NTM: variants seen among roughly 807,000 people sequenced by gnomAD.
NTM encodes the protein IgLON family member 2.
A neutral mutation model predicts 42.1 loss-of-function variants in NTM; 13 were observed. The observed-to-expected ratio is 0.31, with a 90% CI of 0.20 to 0.49. The LOEUF (loss-of-function observed/expected upper bound fraction) is 0.49, where lower values mean the gene tolerates loss of function less well. NTM is among the 20% of genes least tolerant of loss of function. The pLI is 0.99. For synonymous variants in NTM, 187 were observed against 179.2 expected, an observed-to-expected ratio of 1.04 and a Z score of -0.35; for missense variants, 373 against 452.8, an observed-to-expected ratio of 0.82 and a Z score of 1.60.
chr11:132,287,871 CAT>C (rs2094309045), intron 4 of NTM, among the ~76,000 whole-genome samples: 1 of 152,130 alleles, frequency 6.6e-6, no homozygotes, highest in Non-Finnish European at 1.5e-5. Context: ...GCAGGAAAAA[CAT>C]AGTGTGCTGA....
chr11:132,070,553 T>G (rs1260759072), intron 2 of NTM, among the ~76,000 whole-genome samples: 609 of 59,456 alleles, frequency 0.01, no homozygotes, highest in Middle Eastern at 0.017. Context: ...ACCGTCACAG[T>G]TTAGTTAACA....
At position 131,663,791 on chromosome 11, in the gene NTM, T is replaced by C. The variant is rs564900991; in HGVS notation, c.83-247773T>C. On this transcript the variant is annotated intron_variant, in intron 1 of 8. Transcript: ENST00000683400. ...AAGTGTCAGACGTCTTACTAAACAA[T>C]ACACACACACACACAGAGATTTCTT... Among the ~76,000 whole-genome samples, 22 of 151,792 alleles carry C rather than the reference T, an allele frequency of 1.4e-4. No individual in the cohort carries two copies. The East Asian group carries it at 3.7e-3, about 25-fold the overall frequency.
At chr11:131,372,152 A>C (rs1470066612) in intron 1 of NTM, among the ~76,000 whole-genome samples, 1 of 151,982 alleles carries the variant, frequency 6.6e-6, no homozygotes, top group Non-Finnish European at 1.5e-5. Flanking sequence ...GATCCACGTA[A>C]GGTGGGCAGA....
chr11:131,408,746 C>T (rs1212463690), intron 1 of NTM, among the ~76,000 whole-genome samples: 1 of 152,170 alleles, frequency 6.6e-6, no homozygotes, highest in Admixed American at 6.5e-5. Context: ...ATTGTTTTCT[C>T]GTATTCTCAG....
chr11:131,794,210 T>A (rs575396051), intron 1 of NTM, among the ~76,000 whole-genome samples: 81 of 152,280 alleles, frequency 5.3e-4, no homozygotes, highest in Non-Finnish European at 1.0e-3. Flanking sequence ...CTCGCACCTC[T>A]GGCTTGGGAG....
intron 1 of NTM, among the ~76,000 whole-genome samples, chr11:131,522,350 C>T (rs1246298661): frequency 3.0e-4 from 10 of 33,234 alleles, no homozygotes; most frequent in Non-Finnish European, 5.6e-4. Flanking sequence ...ATTTGCAGAA[C>T]AACAAGAAAA....
At chr11:131,867,969 A>C (rs949677779) in intron 1 of NTM, among the ~76,000 whole-genome samples, 5 of 152,168 alleles carry the variant, frequency 3.3e-5, no homozygotes, top group Admixed American at 2.0e-4. Context: ...AGCTATCTGC[A>C]TGGAGAGAGA....
At chr11:131,374,326 C>G (rs1941662061) in intron 1 of NTM, among the ~76,000 whole-genome samples, 1 of 152,246 alleles carries the variant, frequency 6.6e-6, no homozygotes, top group African/African-American at 2.4e-5. Context: ...AGCATTCGCT[C>G]AAGCGTGCCT....
chr11:131,851,266 G>C (rs544844135), intron 1 of NTM, among the ~76,000 whole-genome samples: 42 of 152,226 alleles, frequency 2.8e-4, no homozygotes, highest in African/African-American at 1.0e-3. Flanking sequence ...TAGAATCATA[G>C]AGCTGTTGAA....
chr11:131,483,420 A>ACTTACTCCTTT (rs1330033648), intron 1 of NTM, among the ~76,000 whole-genome samples: 1 of 152,256 alleles, frequency 6.6e-6, no homozygotes. Flanking sequence ...ACTGAGGCCT[A>ACTTACTCCTTT]GTGCCATAGA....
chr11:132,239,289 T>C (rs1350405894), intron 4 of NTM, among the ~76,000 whole-genome samples: 1 of 152,262 alleles, frequency 6.6e-6, no homozygotes, highest in Non-Finnish European at 1.5e-5. Context: ...CATTTTCTGC[T>C]ATGCCACTGG....
At chr11:131,487,584 A>G (rs991865764) in intron 1 of NTM, among the ~76,000 whole-genome samples, 13 of 152,254 alleles carry the variant, frequency 8.5e-5, no homozygotes, top group African/African-American at 1.4e-4. Flanking sequence ...CAGGGTAACA[A>G]TAGAAAACAG....
Position 131,957,004 on chromosome 11 carries a change from C to T in NTM, c.167+45356C>T, listed in dbSNP as rs527514548. Among the ~76,000 whole-genome samples the T allele has an allele frequency of 6.6e-5, 10 of 152,300 alleles. No homozygotes were observed. The South Asian group carries it at 2.1e-3, about 32-fold the overall frequency. On this transcript the variant is annotated intron_variant, in intron 2 of 8. Coordinates refer to ENST00000683400, the MANE Select transcript of NTM (RefSeq NM_001352005.2). ...GTCTACATTGTGTCCTCTGTGCTAC[C>T]TCATTTAATCCTGTTAATCATGGTT...
At chr11:132,008,023 A>G (rs2071211159) in intron 2 of NTM, among the ~76,000 whole-genome samples, 1 of 152,140 alleles carries the variant, frequency 6.6e-6, no homozygotes, top group Non-Finnish European at 1.5e-5. Context: ...TCGATTTTAG[A>G]ATAAGCCTTA....
chr11:131,465,276 C>A (rs370686395), intron 1 of NTM, among the ~76,000 whole-genome samples: 1 of 152,172 alleles, frequency 6.6e-6, no homozygotes, highest in Non-Finnish European at 1.5e-5. Flanking sequence ...GGGTGACCTG[C>A]GGGTGCCTCC....
chr11:131,879,714 C>G (rs1375466822), intron 1 of NTM, among the ~76,000 whole-genome samples: 1 of 143,024 alleles, frequency 7.0e-6, no homozygotes, highest in Non-Finnish European at 1.5e-5. Flanking sequence ...AGATTGGAAT[C>G]TAGCTCCTGA....
chr11:131,612,475 A>C (rs1396681138), intron 1 of NTM, among the ~76,000 whole-genome samples: 1 of 152,224 alleles, frequency 6.6e-6, no homozygotes, highest in Non-Finnish European at 1.5e-5. Flanking sequence ...ATGCGTCACC[A>C]ATCTATTGAA....
chr11:131,472,671 G>C (rs116157071), intron 1 of NTM, among the ~76,000 whole-genome samples: 7 of 152,126 alleles, frequency 4.6e-5, no homozygotes, highest in Admixed American at 3.9e-4. Context: ...TGAGGAGAAG[G>C]GGGTAAGTGT....
chr11:131,856,733 A>G (rs2136907180), intron 1 of NTM, among the ~76,000 whole-genome samples: 1 of 152,308 alleles, frequency 6.6e-6, no homozygotes, highest in South Asian at 2.1e-4. Flanking sequence ...TCTTTTATGC[A>G]TGTGTTTGAA....
Sources: gnomAD v4.1 joint callset for allele counts (sites outside exome capture counted in the v4.1 genomes callset) on GRCh38, gnomAD v4.1.1 for gene constraint, MANE v1.5 for transcripts, NCBI Gene and HGNC (gene_info 2026-07-23, HGNC 2026-07-21) for gene names.